JAZF1: variants seen among roughly 807,000 people sequenced by gnomAD.
JAZF1 encodes JAZF zinc finger 1.
Under a neutral mutation model 26.4 loss-of-function variants are expected in JAZF1, and 8 were observed. The ratio of observed to expected loss-of-function variants is 0.30; its 90% confidence interval spans 0.18 to 0.55. The LOEUF (loss-of-function observed/expected upper bound fraction) is 0.55, where lower values mean the gene tolerates loss of function less well. JAZF1 is among the 20% of genes least tolerant of loss of function. JAZF1 has a pLI of 0.94. For synonymous variants in JAZF1, 126 were observed against 122.3 expected, an observed-to-expected ratio of 1.03 and a Z score of -0.20; for missense variants, 199 against 322.0, an observed-to-expected ratio of 0.62 and a Z score of 2.92.
At chr7:28,147,901 C>A (rs528112022) in intron 1 of JAZF1, among the ~76,000 whole-genome samples, 1 of 151,754 alleles carries the variant, frequency 6.6e-6, no homozygotes, top group Admixed American at 6.6e-5. Context: ...CAAAGTGAGA[C>A]CCTGTCTCAA....
At chr7:28,116,882 G>C (rs1006505112) in intron 1 of JAZF1, among the ~76,000 whole-genome samples, 1 of 151,784 alleles carries the variant, frequency 6.6e-6, no homozygotes, top group African/African-American at 2.4e-5. Flanking sequence ...GGAATGCAGT[G>C]GCGCGATCTC....
At chr7:28,042,361 G>T (rs1412623129) in intron 1 of JAZF1, among the ~76,000 whole-genome samples, 8 of 152,156 alleles carry the variant, frequency 5.3e-5, no homozygotes, top group Non-Finnish European at 1.2e-4. Context: ...GAGAAGCACA[G>T]AAGAATTCTG....
intron 1 of JAZF1, among the ~76,000 whole-genome samples, chr7:28,001,003 G>A (rs1435287554): frequency 1.3e-5 from 2 of 152,100 alleles, no homozygotes; most frequent in African/African-American, 2.4e-5. Flanking sequence ...TTGCTTAGGG[G>A]AAACTTTAAG....
chr7:28,044,398 C>T (rs1253185982), intron 1 of JAZF1, among the ~76,000 whole-genome samples: 1 of 152,158 alleles, frequency 6.6e-6, no homozygotes, highest in African/African-American at 2.4e-5. Flanking sequence ...TCTGCTCTAG[C>T]ATCTGACAGA....
chr7:28,033,682 C>CAAAG (rs1783231844), intron 1 of JAZF1, among the ~76,000 whole-genome samples: 1 of 152,134 alleles, frequency 6.6e-6, no homozygotes, highest in Non-Finnish European at 1.5e-5. Flanking sequence ...GCACCTCTTT[C>CAAAG]TTTCCTGATT....
At chr7:28,159,057 G>A (rs564491644) in intron 1 of JAZF1, among the ~76,000 whole-genome samples, 3 of 152,194 alleles carry the variant, frequency 2.0e-5, no homozygotes, top group East Asian at 1.9e-4. Flanking sequence ...GGAGAGAGAC[G>A]CTGAACAAAC....
chr7:28,096,068 G>C (rs1036645976), intron 1 of JAZF1, among the ~76,000 whole-genome samples: 1 of 151,598 alleles, frequency 6.6e-6, no homozygotes, highest in African/African-American at 2.4e-5. Flanking sequence ...TATGAAATTT[G>C]GGGGGGGCAC....
intron 1 of JAZF1, among the ~76,000 whole-genome samples, chr7:28,004,251 G>T (rs1782661370): frequency 6.6e-6 from 1 of 152,144 alleles, no homozygotes; most frequent in Non-Finnish European, 1.5e-5. Flanking sequence ...AAGCTAAGAA[G>T]AAACACCCAT....
intron 2 of JAZF1, among the ~76,000 whole-genome samples, chr7:27,984,987 C>A (rs1785669535): frequency 6.6e-6 from 1 of 152,088 alleles, no homozygotes; most frequent in Non-Finnish European, 1.5e-5. Context: ...ACTAAATGCC[C>A]ACAAGAGAAA....
At chr7:27,906,222 T>C (rs114260432) in intron 2 of JAZF1, among the ~76,000 whole-genome samples, 4,918 of 151,552 alleles carry the variant, frequency 0.032, 279 homozygotes, top group African/African-American at 0.11. Flanking sequence ...CTCTCACAGC[T>C]GGACACACAG....
rs114257832 is a variant in JAZF1 at position 27,872,298 on chromosome 7, T to C, written c.385+22922A>G. Reference sequence around the variant, plus strand: ...TTGCAGAACAACAACAAAAAATGCATTGGGTTTCCTGCAATTAAGCTGCAA... The same window carrying C: ...TTGCAGAACAACAACAAAAAATGCACTGGGTTTCCTGCAATTAAGCTGCAA... On this transcript the variant is annotated intron_variant, in intron 3 of 4. Transcript: ENST00000283928. 6.5e-3 allele frequency among the ~76,000 whole-genome samples: 994 copies of C among 152,314 alleles called. 7 individuals are homozygous for C. The highest frequency in any genetic ancestry group is 0.019 in the African/African-American group (810 of 41,564).
At chr7:28,012,601 G>C (rs1782816693) in intron 1 of JAZF1, among the ~76,000 whole-genome samples, 1 of 152,182 alleles carries the variant, frequency 6.6e-6, no homozygotes, top group Non-Finnish European at 1.5e-5. Context: ...GAGGGAAGAG[G>C]GAGTTTCTTG....
intron 1 of JAZF1, among the ~76,000 whole-genome samples, chr7:28,028,574 GA>G (rs1783131400): frequency 1.3e-5 from 2 of 152,112 alleles, no homozygotes; most frequent in Non-Finnish European, 2.9e-5. Flanking sequence ...TCCACCCCAG[GA>G]ATGTAACAAC....
chr7:27,958,272 G>A (rs1196111845), intron 2 of JAZF1, among the ~76,000 whole-genome samples: 1 of 152,170 alleles, frequency 6.6e-6, no homozygotes, highest in Non-Finnish European at 1.5e-5. Context: ...TGCTCAAAAT[G>A]TGCCTCATTA....
At chr7:27,952,562 CA>C (rs1785028601) in intron 2 of JAZF1, among the ~76,000 whole-genome samples, 1 of 152,222 alleles carries the variant, frequency 6.6e-6, no homozygotes, top group South Asian at 2.1e-4. Flanking sequence ...GATCTGGCTA[CA>C]AGAAGTTAAA....
intron 3 of JAZF1, among the ~76,000 whole-genome samples, chr7:27,872,137 C>G (rs1030778067): frequency 6.6e-6 from 1 of 152,138 alleles, no homozygotes; most frequent in African/African-American, 2.4e-5. Context: ...AAAGGCCTTT[C>G]AATAATGAAC....
At chr7:28,130,807 C>A (rs1782781609) in intron 1 of JAZF1, among the ~76,000 whole-genome samples, 1 of 152,154 alleles carries the variant, frequency 6.6e-6, no homozygotes, top group Admixed American at 6.5e-5. Flanking sequence ...ATTGCCCACA[C>A]ACAATATTCC....
intron 1 of JAZF1, among the ~76,000 whole-genome samples, chr7:28,040,633 A>G (rs1001820045): frequency 6.6e-6 from 1 of 152,140 alleles, no homozygotes; most frequent in African/African-American, 2.4e-5. Context: ...CACCCGGCAG[A>G]TGAGGGTGTC....
At chr7:28,114,387 A>G (rs1451201506) in intron 1 of JAZF1, among the ~76,000 whole-genome samples, 2 of 151,878 alleles carry the variant, frequency 1.3e-5, no homozygotes, top group African/African-American at 4.8e-5. Context: ...GTTTGGTGCT[A>G]CTGACATCTC....
Sources: allele counts gnomAD v4.1 joint callset (sites outside exome capture counted in the v4.1 genomes callset), GRCh38; gene constraint gnomAD v4.1.1; transcripts MANE v1.5; gene names NCBI Gene and HGNC (gene_info 2026-07-23, HGNC 2026-07-21).